RPS6KC1: variants seen among roughly 807,000 people sequenced by gnomAD.
The protein encoded by RPS6KC1 is ribosomal protein S6 kinase C1, also known as inactive ribosomal protein S6 kinase delta-1.
In RPS6KC1, 54 loss-of-function variants were observed where a neutral mutation model predicts 103.8. That is an observed-to-expected ratio of 0.52 (90% confidence interval 0.42 to 0.65). The LOEUF (loss-of-function observed/expected upper bound fraction) is 0.65, where lower values mean the gene tolerates loss of function less well. Among genes scored for constraint, RPS6KC1 ranks in the 30% least tolerant of loss-of-function variants. RPS6KC1 has a pLI of 0.00. For synonymous variants in RPS6KC1, 439 were observed against 438.7 expected (o/e 1.00, Z -0.01); for missense variants, 1,151 against 1,253.8 (o/e 0.92, Z 1.24).
chr1:213,443,968 C>T, the RPS6KC1 span, among the ~76,000 whole-genome samples: 1 of 152,130 alleles, frequency 6.6e-6, no homozygotes, highest in East Asian at 1.9e-4. Context: ...GTATCACAAA[C>T]GAGTGGCTTA....
chr1:213,765,012 G>T, the RPS6KC1 span, among the ~76,000 whole-genome samples: 115 of 152,224 alleles, frequency 7.6e-4, 2 homozygotes, highest in East Asian at 0.021. Context: ...ATCTATTCCA[G>T]CAAGTTTTCA....
chr1:213,450,217 C>CT, the RPS6KC1 span, among the ~76,000 whole-genome samples: 2 of 151,928 alleles, frequency 1.3e-5, no homozygotes, highest in African/African-American at 4.8e-5. Flanking sequence ...CTGTGGTCAA[C>CT]TTTTTTTTCT....
chr1:213,401,477 C>A, the RPS6KC1 span, among the ~76,000 whole-genome samples: 3 of 152,166 alleles, frequency 2.0e-5, no homozygotes, highest in African/African-American at 7.2e-5. Context: ...ATGGTGGGCC[C>A]CCTGGCCGGT....
intron 8 of RPS6KC1, among the ~76,000 whole-genome samples, chr1:213,218,301 T>A (rs948801327): frequency 2.0e-5 from 3 of 151,954 alleles, no homozygotes; most frequent in Non-Finnish European, 2.9e-5. Context: ...TACCTAGGAA[T>A]CCAACTTACA....
chr1:213,852,285 T>G, the RPS6KC1 span, among the ~76,000 whole-genome samples: 1 of 152,222 alleles, frequency 6.6e-6, no homozygotes, highest in African/African-American at 2.4e-5. Context: ...TTGCCAAACT[T>G]CTGCCCACAT....
the RPS6KC1 span, among the ~76,000 whole-genome samples, chr1:213,763,652 C>CA: frequency 2.6e-3 from 390 of 152,278 alleles, 3 homozygotes; most frequent in African/African-American, 9.0e-3. Context: ...TTAAACACCA[C>CA]AAAAAACTTC....
At chr1:213,173,132 C>G (rs1009333583) in intron 7 of RPS6KC1, among the ~76,000 whole-genome samples, 4 of 152,124 alleles carry the variant, frequency 2.6e-5, no homozygotes, top group Non-Finnish European at 4.4e-5. Context: ...TCTTAAAATT[C>G]TGTGGATTTG....
chr1:213,313,483 A>G, the RPS6KC1 span, among the ~76,000 whole-genome samples: 3 of 151,958 alleles, frequency 2.0e-5, no homozygotes, highest in Non-Finnish European at 2.9e-5. Context: ...TTCATTGTTT[A>G]TATCCCTTTT....
At chr1:213,270,800 GA>G (rs1207362583) in intron 14 of RPS6KC1, among the ~76,000 whole-genome samples, 1 of 152,124 alleles carries the variant, frequency 6.6e-6, no homozygotes, top group Non-Finnish European at 1.5e-5. Flanking sequence ...ATTTCACCAA[GA>G]AAGCTATTTG....
chr1:213,756,784 T>G, the RPS6KC1 span, among the ~76,000 whole-genome samples: 1 of 152,060 alleles, frequency 6.6e-6, no homozygotes, highest in South Asian at 2.1e-4. Context: ...ACCCAGCTAA[T>G]TTTTTTGTAG....
the RPS6KC1 span, among the ~76,000 whole-genome samples, chr1:213,699,090 CAATT>C: frequency 2.0e-5 from 3 of 152,060 alleles, no homozygotes; most frequent in Non-Finnish European, 4.4e-5. Flanking sequence ...TTAAAATAAA[CAATT>C]AAATTATTAT....
At chr1:213,228,089 G>T (rs951949924) in intron 8 of RPS6KC1, among the ~76,000 whole-genome samples, 1 of 152,120 alleles carries the variant, frequency 6.6e-6, no homozygotes, top group Admixed American at 6.6e-5. Context: ...AAATCGAAGG[G>T]TTAGAGATTC....
intron 1 of RPS6KC1, among the ~76,000 whole-genome samples, chr1:213,053,381 G>A (rs1277443422): frequency 1.3e-5 from 2 of 152,216 alleles, no homozygotes; most frequent in Admixed American, 6.5e-5. Flanking sequence ...ACATGCATGT[G>A]CATGGCACAC....
chr1:213,380,335 G>A, the RPS6KC1 span, among the ~76,000 whole-genome samples: 1 of 152,116 alleles, frequency 6.6e-6, no homozygotes, highest in Non-Finnish European at 1.5e-5. Context: ...GAGAATGGAG[G>A]GCGGGAGGAG....
At chr1:213,363,678 CTTT>C in the RPS6KC1 span, among the ~76,000 whole-genome samples, 48 of 104,574 alleles carry the variant, frequency 4.6e-4, 5 homozygotes, top group African/African-American at 1.9e-3. Context: ...TTCTTTCTTT[CTTT>C]CTTTCTTTCT....
At chr1:213,837,386 C>T in the RPS6KC1 span, 1 of 152,156 alleles carries the variant, frequency 6.6e-6, no homozygotes, top group Non-Finnish European at 1.5e-5. Flanking sequence ...AATTATGCAG[C>T]TCTTAGTGGA....
At chr1:213,396,548 TGTACTA>T in the RPS6KC1 span, among the ~76,000 whole-genome samples, 1 of 152,200 alleles carries the variant, frequency 6.6e-6, no homozygotes, top group Admixed American at 6.5e-5. Context: ...TGCCCTTCCC[TGTACTA>T]GTGTCAGGGG....
the RPS6KC1 span, among the ~76,000 whole-genome samples, chr1:213,467,397 A>G: frequency 6.6e-6 from 1 of 152,344 alleles, no homozygotes; most frequent in South Asian, 2.1e-4. Context: ...CAGGCACCTG[A>G]ATTCTCAAAT....
chr1:213,638,581 A>G, the RPS6KC1 span, among the ~76,000 whole-genome samples: 13 of 152,014 alleles, frequency 8.6e-5, no homozygotes, highest in African/African-American at 2.7e-4. Context: ...CATATAAGTG[A>G]CTAATTGGTT....
Sources: gnomAD v4.1 joint callset for allele counts (sites outside exome capture counted in the v4.1 genomes callset) on GRCh38, gnomAD v4.1.1 for gene constraint, MANE v1.5 for transcripts, NCBI Gene and HGNC (gene_info 2026-07-23, HGNC 2026-07-21) for gene names.